The following GLMN variants were observed in gnomAD, a reference collection of about 807,000 sequenced individuals.
GLMN encodes glomulin, FKBP associated protein.
In GLMN, 75 loss-of-function variants were observed where a neutral mutation model predicts 87.8. The ratio of observed to expected loss-of-function variants is 0.85; its 90% CI spans 0.71 to 1.04. GLMN has a LOEUF of 1.04. Among genes scored for constraint, GLMN ranks in the 50% least tolerant of loss-of-function variants. GLMN has a pLI of 0.00. For synonymous variants in GLMN, 206 were observed against 221.6 expected (o/e 0.93, Z 0.63); for missense variants, 588 against 658.8 (o/e 0.89, Z 1.18).
chr1:92,337,536 G>A, the GLMN span, among the ~76,000 whole-genome samples: 1 of 152,052 alleles, frequency 6.6e-6, no homozygotes, highest in Non-Finnish European at 1.5e-5. Flanking sequence ...AGGATAATTT[G>A]TAATAATTTA....
At chr1:92,341,431 T>G in the GLMN span, among the ~76,000 whole-genome samples, 1 of 152,146 alleles carries the variant, frequency 6.6e-6, no homozygotes, top group Non-Finnish European at 1.5e-5. Flanking sequence ...GGCTCAACAA[T>G]AGGAAAAATA....
At chr1:92,315,364 A>G in the GLMN span, among the ~76,000 whole-genome samples, 4 of 152,238 alleles carry the variant, frequency 2.6e-5, no homozygotes, top group Non-Finnish European at 5.9e-5. Flanking sequence ...ATCAAAAATT[A>G]CCACATATTA....
At chr1:92,298,258 GAAGCCCTTATT>G (rs1650385664) in intron 1 of GLMN, among the ~76,000 whole-genome samples, 1 of 151,752 alleles carries the variant, frequency 6.6e-6, no homozygotes, top group Admixed American at 6.6e-5. Flanking sequence ...TGTTTTTTTA[GAAGCCCTTATT>G]GCATGTTTTA....
At chr1:92,251,116 A>AAGGT (rs1653429714) in intron 16 of GLMN, among the ~76,000 whole-genome samples, 1 of 152,200 alleles carries the variant, frequency 6.6e-6, no homozygotes, top group Non-Finnish European at 1.5e-5. Flanking sequence ...TTATACAGAA[A>AAGGT]AGGTAAAGGA....
the GLMN span, chr1:92,304,312 C>A: frequency 6.6e-7 from 1 of 1,511,268 alleles, no homozygotes; most frequent in Non-Finnish European, 9.1e-7. Flanking sequence ...AAAATTTCTA[C>A]CAAAACCAAT....
chr1:92,356,081 C>G, the GLMN span, among the ~76,000 whole-genome samples: 11 of 152,042 alleles, frequency 7.2e-5, no homozygotes, highest in African/African-American at 2.7e-4. Context: ...TTACAGAATC[C>G]TCACTCCAAC....
At chr1:92,366,231 A>G in the GLMN span, among the ~76,000 whole-genome samples, 1 of 152,144 alleles carries the variant, frequency 6.6e-6, no homozygotes, top group South Asian at 2.1e-4. Flanking sequence ...TGAGCCCAGG[A>G]GTTTGAGGCT....
chr1:92,346,776 A>G, the GLMN span, among the ~76,000 whole-genome samples: 52 of 152,288 alleles, frequency 3.4e-4, no homozygotes, highest in Non-Finnish European at 7.1e-4. Context: ...TTCTAAGGCT[A>G]TTTATCAATA....
intron 6 of GLMN, among the ~76,000 whole-genome samples, chr1:92,287,644 AT>A (rs1183004924): frequency 2.6e-5 from 4 of 151,694 alleles, no homozygotes; most frequent in Non-Finnish European, 5.9e-5. Context: ...CTGGCTGTAA[AT>A]TTTTTTTTAA....
At chr1:92,302,590 A>ATTTTTTTTTTTTT (rs36067595), upstream of GLMN, among the ~76,000 whole-genome samples, 21 of 74,338 alleles carry the variant, frequency 2.8e-4, 3 homozygotes, top group Non-Finnish European at 4.4e-4. Flanking sequence ...TCCGCATTAA[A>ATTTTTTTTTTTTT]TTTTTTTTTT....
At chr1:92,320,619 T>G in the GLMN span, 1 of 1,610,842 alleles carries the variant, frequency 6.2e-7, no homozygotes, top group Non-Finnish European at 8.5e-7. Flanking sequence ...TTTCAACTGC[T>G]AAAGGAAGAA....
the GLMN span, chr1:92,323,363 T>C: frequency 3.2e-6 from 3 of 944,916 alleles, no homozygotes; most frequent in Non-Finnish European, 4.8e-6. Flanking sequence ...ATAAATACTA[T>C]GGGGTACTTT....
At chr1:92,282,789 G>A (rs1032834586) in intron 7 of GLMN, among the ~76,000 whole-genome samples, 1 of 152,110 alleles carries the variant, frequency 6.6e-6, no homozygotes, top group African/African-American at 2.4e-5. Context: ...AAATGATAAA[G>A]GGGATATCAC....
In GLMN at chr1:92,250,607, C is replaced by T. The variant is rs770713368; in HGVS notation, c.1474-2618G>A. Among the ~76,000 whole-genome samples the T allele has an allele frequency of 7.9e-5, 12 of 152,130 alleles. 1 individual carries two copies. Among genetic ancestry groups the T allele is most frequent in the South Asian group, 6.2e-4 (3 of 4,830 alleles). The stretch of plus-strand genomic sequence containing the variant: ...ACTAGGTTTTACATCACAACTCACA[C>T]GTTTATTTATATAGTTGAAATAAAA... On this transcript the variant is annotated intron_variant, in intron 16 of 18. Transcript: ENST00000370360.
At chr1:92,341,444 A>T in the GLMN span, among the ~76,000 whole-genome samples, 1 of 152,242 alleles carries the variant, frequency 6.6e-6, no homozygotes, top group African/African-American at 2.4e-5. Context: ...GAAAAATATG[A>T]AAACAGGTGA....
At chr1:92,294,141 G>A (rs1440434265) in intron 3 of GLMN, among the ~76,000 whole-genome samples, 1 of 152,102 alleles carries the variant, frequency 6.6e-6, no homozygotes, top group Non-Finnish European at 1.5e-5. Context: ...AAATGCTTGA[G>A]GGGATGGATA....
the GLMN span, among the ~76,000 whole-genome samples, chr1:92,364,608 A>G: frequency 6.6e-6 from 1 of 152,102 alleles, no homozygotes; most frequent in Non-Finnish European, 1.5e-5. Context: ...TTTTGGTGGC[A>G]TTGGTATCCT....
chr1:92,355,983 T>C, the GLMN span, among the ~76,000 whole-genome samples: 2 of 152,202 alleles, frequency 1.3e-5, no homozygotes, highest in Admixed American at 6.5e-5. Context: ...GTTTAGTATC[T>C]GCACATTATA....
chr1:92,364,724 A>G, the GLMN span, among the ~76,000 whole-genome samples: 1 of 152,058 alleles, frequency 6.6e-6, no homozygotes, highest in African/African-American at 2.4e-5. Flanking sequence ...ACTGCTACTA[A>G]CCCACATTAG....
Sources: gnomAD v4.1 joint callset for allele counts (sites outside exome capture counted in the v4.1 genomes callset) on GRCh38, gnomAD v4.1.1 for gene constraint, MANE v1.5 for transcripts, NCBI Gene and HGNC (gene_info 2026-07-23, HGNC 2026-07-21) for gene names.